The following CACNA2D1 variants were observed in gnomAD, a reference collection of about 807,000 sequenced individuals.
CACNA2D1 encodes calcium voltage-gated channel auxiliary subunit alpha2delta 1, also known as voltage-dependent calcium channel subunit alpha-2/delta-1.
In CACNA2D1, 53 loss-of-function variants were observed where a neutral mutation model predicts 171.5. The observed-to-expected ratio is 0.31, with a 90% confidence interval of 0.25 to 0.39. The LOEUF (loss-of-function observed/expected upper bound fraction) is 0.39. Ranked by LOEUF, CACNA2D1 falls within the 10% of genes least tolerant of loss-of-function variation. CACNA2D1 has a pLI of 1.00. For synonymous variants in CACNA2D1, 442 were observed against 443.1 expected, an observed-to-expected ratio of 1.00 and a Z score of 0.03; for missense variants, 903 against 1,299.8, an observed-to-expected ratio of 0.69 and a Z score of 4.69.
chr7:81,963,933 T>C, intron 34 of CACNA2D1, 123 bp downstream of exon 34: 1 of 773,696 alleles, frequency 1.3e-6, no homozygotes, highest in Non-Finnish European at 2.2e-6. Flanking sequence ...ATGTAAAGAA[T>C]GAAAACAACT....
At chr7:82,243,399 A>G (rs1489585990) in intron 3 of CACNA2D1, among the ~76,000 whole-genome samples, 4 of 152,186 alleles carry the variant, frequency 2.6e-5, no homozygotes, top group Admixed American at 2.0e-4. Flanking sequence ...ATATTTTTTA[A>G]AGATGGTTGA....
chr7:81,951,255 A>T (rs1371780147), intron 38 of CACNA2D1, among the ~76,000 whole-genome samples: 1 of 152,120 alleles, frequency 6.6e-6, no homozygotes, highest in Non-Finnish European at 1.5e-5. Flanking sequence ...AGTATTATTC[A>T]TCTTTTATTC....
At chr7:82,185,302 C>T (rs1797545100) in intron 3 of CACNA2D1, among the ~76,000 whole-genome samples, 1 of 150,474 alleles carries the variant, frequency 6.6e-6, no homozygotes, top group Non-Finnish European at 1.5e-5. Context: ...CATTCCACCA[C>T]TTCGCTGCAG....
intron 3 of CACNA2D1, among the ~76,000 whole-genome samples, chr7:82,202,511 C>T (rs1283382294): frequency 6.6e-6 from 1 of 152,096 alleles, no homozygotes; most frequent in South Asian, 2.1e-4. Flanking sequence ...ATGGGTCCCC[C>T]GTGAGGATGG....
intron 2 of CACNA2D1, among the ~76,000 whole-genome samples, chr7:82,336,126 T>G (rs1029639066): frequency 1.3e-5 from 2 of 152,146 alleles, no homozygotes; most frequent in Admixed American, 6.5e-5. Flanking sequence ...TAAACCATCT[T>G]TGAAAGCCAG....
Position 82,383,889 on chromosome 7 carries a change from C to T in CACNA2D1, c.96-34240G>A, listed in dbSNP as rs376189310. Among the ~76,000 whole-genome samples, 24 of 152,280 alleles carry T rather than the reference C, an allele frequency of 1.6e-4. 1 individual carries two copies. The East Asian group carries it at 3.9e-3, about 24-fold the overall frequency. Reference sequence around the variant, plus strand: ...AGCAAACATTTATAAAGTACCTCTTCACACTGACACATGTAGATTATCAAA... The same window carrying T: ...AGCAAACATTTATAAAGTACCTCTTTACACTGACACATGTAGATTATCAAA... On this transcript the variant is annotated intron_variant, in intron 1 of 38. Transcript: ENST00000356860.
chr7:82,367,705 T>G (rs1336299257), intron 1 of CACNA2D1, among the ~76,000 whole-genome samples: 1 of 152,152 alleles, frequency 6.6e-6, no homozygotes, highest in African/African-American at 2.4e-5. Flanking sequence ...GATGACTCTT[T>G]GAGGCAAGCA....
At chr7:82,064,704 T>G (rs111956636) in intron 8 of CACNA2D1, among the ~76,000 whole-genome samples, 2 of 152,034 alleles carry the variant, frequency 1.3e-5, no homozygotes, top group Non-Finnish European at 2.9e-5. Context: ...TAATGAAAAA[T>G]AGACTATCAT....
chr7:82,146,983 C>CAA (rs764990586), intron 4 of CACNA2D1, among the ~76,000 whole-genome samples: 344 of 25,528 alleles, frequency 0.013, 39 homozygotes, highest in South Asian at 0.027. Context: ...ACTCCCATCT[C>CAA]AAAAAAAAAA....
At chr7:82,080,757 C>T (rs1332936795) in intron 7 of CACNA2D1, among the ~76,000 whole-genome samples, 1 of 152,138 alleles carries the variant, frequency 6.6e-6, no homozygotes, top group African/African-American at 2.4e-5. Flanking sequence ...GGTGTTATTG[C>T]CTGACTTTAT....
At chr7:82,006,801 G>T (rs958657016) in intron 16 of CACNA2D1, among the ~76,000 whole-genome samples, 1 of 152,004 alleles carries the variant, frequency 6.6e-6, no homozygotes, top group African/African-American at 2.4e-5. Context: ...CCCCCAAAGA[G>T]AAATAACTGT....
At chr7:82,266,303 C>T (rs531630823) in intron 3 of CACNA2D1, among the ~76,000 whole-genome samples, 1 of 152,264 alleles carries the variant, frequency 6.6e-6, no homozygotes, top group Non-Finnish European at 1.5e-5. Context: ...TAGGTCACTG[C>T]TGTTCTAATC....
chr7:82,319,483 G>A (rs1325337595), intron 3 of CACNA2D1, among the ~76,000 whole-genome samples: 1 of 152,098 alleles, frequency 6.6e-6, no homozygotes, highest in African/African-American at 2.4e-5. Flanking sequence ...TCAATGACAA[G>A]CAAAAATGGC....
intron 3 of CACNA2D1, among the ~76,000 whole-genome samples, chr7:82,265,783 A>T (rs2129340481): frequency 6.6e-6 from 1 of 152,144 alleles, no homozygotes; most frequent in South Asian, 2.1e-4. Flanking sequence ...TAAAATTTTG[A>T]CTTTTCAATC....
At chr7:82,295,795 A>C (rs976372512) in intron 3 of CACNA2D1, among the ~76,000 whole-genome samples, 2 of 152,152 alleles carry the variant, frequency 1.3e-5, no homozygotes, top group Non-Finnish European at 2.9e-5. Context: ...TGCTGCTATA[A>C]AGACACATGA....
chr7:82,163,158 G>A (rs187976732), intron 4 of CACNA2D1, among the ~76,000 whole-genome samples: 1 of 151,920 alleles, frequency 6.6e-6, no homozygotes, highest in Non-Finnish European at 1.5e-5. Context: ...GACAATAAAT[G>A]GAAATATATA....
chr7:81,974,472 G>T lies in CACNA2D1; in HGVS notation c.2036C>A (p.Thr679Asn). Residue 679 changes from threonine (T) to asparagine (N), a missense_variant, in exon 25 of 39, where the codon ACT becomes AAT. Physicochemically the swap from Thr to Asn is moderately conservative, Grantham distance 65 (BLOSUM62 0). This residue lies in a region of CACNA2D1 where 623 missense variants were observed against 925.5 expected (regional missense o/e 0.67). Coordinates refer to ENST00000356860, the MANE Select transcript of CACNA2D1 (RefSeq NM_000722.4). ...LNFNEFIDRK[T>N]PNNPSCNADL... Reference sequence around the variant, plus strand: ...ATACTTACATGATGGGTTGTTTGGAGTTTTTCTATCAATAAACTCGTTGAA... The same window carrying T: ...ATACTTACATGATGGGTTGTTTGGATTTTTTCTATCAATAAACTCGTTGAA... The T allele has an allele frequency of 6.5e-7, 1 of 1,549,460 alleles. No individual in the cohort carries two copies. Among genetic ancestry groups the T allele is most frequent in the Non-Finnish European group, 8.9e-7 (1 of 1,123,154 alleles).
chr7:82,363,925 G>A (rs1439117834), intron 1 of CACNA2D1, among the ~76,000 whole-genome samples: 1 of 152,070 alleles, frequency 6.6e-6, no homozygotes, highest in Admixed American at 6.6e-5. Context: ...TAGCCCAAAG[G>A]AATATGATTC....
At chr7:82,284,848 T>G (rs1465050755) in intron 3 of CACNA2D1, among the ~76,000 whole-genome samples, 1 of 152,176 alleles carries the variant, frequency 6.6e-6, no homozygotes, top group East Asian at 1.9e-4. Flanking sequence ...GTCTTTGTAA[T>G]GTACATAAGA....
Sources: allele counts gnomAD v4.1 joint callset (sites outside exome capture counted in the v4.1 genomes callset), GRCh38; gene constraint gnomAD v4.1.1; regional missense constraint gnomAD v4.1.1; transcripts MANE v1.5; gene names NCBI Gene and HGNC (gene_info 2026-07-23, HGNC 2026-07-21).